Variants in NOTCH2NLA observed in about 807,000 individuals in gnomAD.
The protein encoded by NOTCH2NLA is notch homolog 2 N-terminal-like protein A.
chr1:146,159,541 C>A (rs1342719531), intron 3 of NOTCH2NLA, among the ~76,000 whole-genome samples: 1 of 149,214 alleles, frequency 6.7e-6, no homozygotes, highest in Non-Finnish European at 1.5e-5. Context: ...AACTTGCTGC[C>A]TATGCTTCTT....
downstream of NOTCH2NLA, chr1:146,153,740 CA>C (rs1185659217): frequency 2.0e-5 from 3 of 151,678 alleles, no homozygotes; most frequent in Non-Finnish European, 4.4e-5. Context: ...AAAAGAAAAC[CA>C]TCTCCAGGCA....
chr1:146,162,111 CAT>C (rs587620038), intron 3 of NOTCH2NLA, among the ~76,000 whole-genome samples: 1 of 133,250 alleles, frequency 7.5e-6, no homozygotes, highest in African/African-American at 2.9e-5. Flanking sequence ...TTATTAAAAA[CAT>C]GTCTGTGCTT....
Position 146,228,835 on chromosome 1 carries a change from A to G in NOTCH2NLA, c.-171T>C, listed in dbSNP as rs1391851429. ...GCCGCGGCCGCCTGGGCAGATCCACATGGGGAGGGGGTCCCGATAGAGGAG... is the reference window on the plus strand; with the variant it reads ...GCCGCGGCCGCCTGGGCAGATCCACGTGGGGAGGGGGTCCCGATAGAGGAG... On this transcript the variant is annotated 5_prime_UTR_variant, in exon 1 of 5. It removes an upstream start codon present in the reference 5' UTR. Transcript: ENST00000362074. The G allele has an allele frequency of 2.2e-5, 33 of 1,516,172 alleles. 1 individual carries two copies. The highest frequency in any genetic ancestry group is 2.9e-5 in the African/African-American group (2 of 69,202). 93.9% of individuals were successfully genotyped at this position (1,516,172 alleles called of 1,614,324 possible). A position where few individuals can be genotyped will look rare whatever the true frequency, so the allele number is the denominator to read the frequency against.
At chr1:146,174,424 T>TTA (rs1186422671) in intron 2 of NOTCH2NLA, among the ~76,000 whole-genome samples, 115 of 138,156 alleles carry the variant, frequency 8.3e-4, no homozygotes, top group African/African-American at 2.5e-3. Context: ...TTTTTTTTTT[T>TTA]AAAACGAGGA....
intron 2 of NOTCH2NLA, among the ~76,000 whole-genome samples, chr1:146,178,161 ATCT>A (rs1662357560): frequency 7.0e-6 from 1 of 142,760 alleles, no homozygotes; most frequent in African/African-American, 2.4e-5. Flanking sequence ...AGGTCTAACC[ATCT>A]TCTATCCCAA....
intron 2 of NOTCH2NLA, among the ~76,000 whole-genome samples, chr1:146,187,375 A>C (rs2102327295): frequency 7.4e-6 from 1 of 134,846 alleles, no homozygotes; most frequent in East Asian, 2.0e-4. Flanking sequence ...ATGATTTATA[A>C]TCCTTTGGGT....
chr1:146,186,813 T>G (rs1471969207), intron 2 of NOTCH2NLA, among the ~76,000 whole-genome samples: 1 of 133,568 alleles, frequency 7.5e-6, no homozygotes, highest in African/African-American at 2.5e-5. Context: ...AGAACCAATT[T>G]GCCTCTCTGT....
At chr1:146,188,598 ATAT>A (rs1662899305) in intron 2 of NOTCH2NLA, among the ~76,000 whole-genome samples, 1 of 27,396 alleles carries the variant, frequency 3.7e-5, no homozygotes, top group East Asian at 6.0e-4. Context: ...TATGAATATA[ATAT>A]TCACATATAC....
chr1:146,228,717 G>A lies in NOTCH2NLA; in HGVS notation c.-53C>T, dbSNP rs782555303. 2.6e-6 allele frequency: 4 copies of A among 1,552,394 alleles called. No individual in the cohort carries two copies. In the African/African-American group the frequency reaches 4.2e-5, roughly 16 times the overall value. ...CTCAGCCCGATACTCACCATGCGCGGGGGTCGCGCAGCACAGCCAGAGCGC... is the reference window on the plus strand; with the variant it reads ...CTCAGCCCGATACTCACCATGCGCGAGGGTCGCGCAGCACAGCCAGAGCGC... On this transcript the variant is annotated 5_prime_UTR_variant, in exon 1 of 5. Coordinates refer to ENST00000362074, the Ensembl canonical transcript of NOTCH2NLA.
chr1:146,187,421 A>G lies in NOTCH2NLA; in HGVS notation c.38+1879T>C, dbSNP rs1364285078. Among the ~76,000 whole-genome samples, 2 of 135,516 alleles carry G rather than the reference A, an allele frequency of 1.5e-5. 1 individual carries two copies. Among genetic ancestry groups the G allele is most frequent in the Non-Finnish European group, 3.4e-5 (2 of 58,684 alleles). 88.9% of individuals were successfully genotyped at this position (135,516 alleles called of 152,430 possible). On this transcript the variant is annotated intron_variant, in intron 2 of 4. Transcript: ENST00000362074. ...TAATAGGATTGCTGGGCCAAATGGT[A>G]TTTCTGGTTCTAGATCCTTGAGGAA...
intron 3 of NOTCH2NLA, among the ~76,000 whole-genome samples, chr1:146,159,214 C>T (rs1369488799): frequency 1.8e-4 from 28 of 151,366 alleles, no homozygotes; most frequent in African/African-American, 5.8e-4. Flanking sequence ...AAAAATTAGC[C>T]GGGCTTCATA....
rs1409215186 is a variant in NOTCH2NLA at position 146,186,745 on chromosome 1, C to T, written c.38+2555G>A. On this transcript the variant is annotated intron_variant, in intron 2 of 4. Transcript: ENST00000362074. ...CAGACCAAAAATATATAGGCGAACA[C>T]TTAGAACATATTTGAAATTCTCCAT... is the stretch of plus-strand genomic sequence containing the variant. 5.3e-5 allele frequency among the ~76,000 whole-genome samples: 7 copies of T among 131,028 alleles called. No individual in the cohort carries two copies. The East Asian group carries it at 1.2e-3, about 23-fold the overall frequency. The allele number at this position is 131,028 out of a possible 152,430, so 86.0% of individuals were successfully genotyped here. A position where few individuals can be genotyped will look rare whatever the true frequency, so the allele number is the denominator to read the frequency against.
chr1:146,154,144 C>G (rs1332463533), downstream of NOTCH2NLA: 11 of 126,718 alleles, frequency 8.7e-5, no homozygotes, highest in Admixed American at 9.1e-4. Flanking sequence ...TTAACCCAAA[C>G]AGCTTAAAGC....
Position 146,210,580 on chromosome 1 carries a change from T to G in NOTCH2NLA, c.-45+18129A>C, listed in dbSNP as rs1254070183. On this transcript the variant is annotated intron_variant, in intron 1 of 4. Coordinates refer to ENST00000362074, the Ensembl canonical transcript of NOTCH2NLA. ...ATAAAAAAAGTTTTGAAAAAACAAT[T>G]CCAAGGTCTATTCCTCCTCCCAACA... Among the ~76,000 whole-genome samples, 5 of 97,028 alleles carry G rather than the reference T, an allele frequency of 5.2e-5. 1 individual carries two copies. Among genetic ancestry groups the G allele is most frequent in the Non-Finnish European group, 9.9e-5 (5 of 50,722 alleles). 63.7% of individuals were successfully genotyped at this position (97,028 alleles called of 152,430 possible).
rs1433280495 is a variant in NOTCH2NLA, at chr1:146,161,851, G to A, written c.298+2900C>T. On this transcript the variant is annotated intron_variant, in intron 3 of 4. Coordinates refer to ENST00000362074, the Ensembl canonical transcript of NOTCH2NLA. ...TCATGGAATACAGGAGATCCATTAGGGCGTCTCTTAGTATTACCATGCCCT... is the reference window on the plus strand; with the variant it reads ...TCATGGAATACAGGAGATCCATTAGAGCGTCTCTTAGTATTACCATGCCCT... 6.3e-5 allele frequency among the ~76,000 whole-genome samples: 5 copies of A among 79,380 alleles called. 1 individual carries two copies. The Admixed American group carries it at 7.2e-4, about 11-fold the overall frequency. The allele number at this position is 79,380 out of a possible 152,430, so 52.1% of individuals were successfully genotyped here. A position where few individuals can be genotyped will look rare whatever the true frequency, so the allele number is the denominator to read the frequency against.
At chr1:146,155,608 CTGCT>C (rs1553802410) in exon 5 of NOTCH2NLA, 1 of 125,792 alleles carries the variant, frequency 7.9e-6, no homozygotes, top group African/African-American at 2.6e-5. Flanking sequence ...TCTGATTCAG[CTGCT>C]TGTATTCTGT....
At chr1:146,152,921 TACTC>T (rs1454808902), downstream of NOTCH2NLA, 2 of 149,668 alleles carry the variant, frequency 1.3e-5, no homozygotes, top group African/African-American at 5.0e-5. Flanking sequence ...AATACTAAAA[TACTC>T]ACAGTGACTA....
intron 2 of NOTCH2NLA, among the ~76,000 whole-genome samples, chr1:146,176,516 TG>T (rs1224911006): frequency 8.4e-6 from 1 of 118,466 alleles, no homozygotes; most frequent in African/African-American, 2.8e-5. Flanking sequence ...AAATGATTCT[TG>T]AATTCTTAGA....
chr1:146,151,274 C>G (rs374578192), downstream of NOTCH2NLA, among the ~76,000 whole-genome samples: 3 of 81,270 alleles, frequency 3.7e-5, no homozygotes, highest in East Asian at 6.4e-4. Context: ...GCCGAGATAG[C>G]ACCATTGCAC....
Sources: allele counts gnomAD v4.1 joint callset (sites outside exome capture counted in the v4.1 genomes callset), GRCh38; gene constraint gnomAD v4.1.1; transcripts MANE v1.5; gene names NCBI Gene and HGNC (gene_info 2026-07-23, HGNC 2026-07-21).